The following ZNF569 variants were observed in gnomAD, a reference collection of about 807,000 sequenced individuals.
ZNF569 encodes the protein zinc finger protein 569, also known as DNA-binding protein.
Under a neutral mutation model 56.3 loss-of-function variants are expected in ZNF569, and 38 were observed. The ratio of observed to expected loss-of-function variants is 0.68; its 90% confidence interval spans 0.52 to 0.88. The LOEUF (loss-of-function observed/expected upper bound fraction) is 0.88. Among genes scored for constraint, ZNF569 ranks in the 40% least tolerant of loss-of-function variants. The probability of loss-of-function intolerance (pLI) is 0.00; values close to 1 mark genes in which losing one functional copy is unlikely to be tolerated. For synonymous variants in ZNF569, 241 were observed against 262.9 expected (o/e 0.92, Z 0.81); for missense variants, 666 against 809.2 (o/e 0.82, Z 2.15).
Position 37,426,299 on chromosome 19 carries a change from A to G in ZNF569, c.95T>C (p.Leu32Pro). Residue 32 changes from leucine to proline, a missense_variant, in exon 4 of 6, where the codon CTG becomes CCG. Transcript: ENST00000316950. ...WKRLDPAQRKLYRNVMLENYN... is the reference protein window; with the variant it reads ...WKRLDPAQRKPYRNVMLENYN... ...GTTTTCTAGCATCACATTCCGGTAC[A>G]GTTTTCTCTGAGCAGGATCCAATCT... The G allele has an allele frequency of 1.2e-6, 2 of 1,613,840 alleles. No individual in the cohort carries two copies. Among genetic ancestry groups the G allele is most frequent in the Non-Finnish European group, 1.7e-6 (2 of 1,179,898 alleles).
At chr19:37,429,005 G>A (rs983227724) in intron 3 of ZNF569, among the ~76,000 whole-genome samples, 7 of 152,028 alleles carry the variant, frequency 4.6e-5, no homozygotes, top group East Asian at 1.9e-4. Flanking sequence ...AAATGAATAG[G>A]TTAAAGGGAA....
intron 4 of ZNF569, 73 bp downstream of exon 4, chr19:37,426,179 T>C (rs1325169141): frequency 3.3e-6 from 5 of 1,513,432 alleles, no homozygotes; most frequent in Non-Finnish European, 4.5e-6. Context: ...GGTCCATGTA[T>C]TTCAGAAACA....
At chr19:37,451,360 A>AC (rs2041589852) in intron 2 of ZNF569, among the ~76,000 whole-genome samples, 1 of 149,826 alleles carries the variant, frequency 6.7e-6, no homozygotes, top group African/African-American at 2.5e-5. Context: ...AGATCGTGCC[A>AC]CTGCACTCCA....
At chr19:37,436,377 T>A (rs2041309520) in intron 3 of ZNF569, among the ~76,000 whole-genome samples, 2 of 151,372 alleles carry the variant, frequency 1.3e-5, no homozygotes, top group African/African-American at 4.9e-5. Flanking sequence ...AGCACCTACA[T>A]CAAACAAGAA....
Position 37,413,343 on chromosome 19 carries a change from CATA to C in ZNF569, c.1312_1314del (p.Tyr438del). Reference sequence around the variant, plus strand: ...AAAGCTTTCCCACATTCATTACACTCATAAGGTTTCTCTCTAGTATGAATTTTC... The same window carrying C: ...AAAGCTTTCCCACATTCATTACACTCAGGTTTCTCTCTAGTATGAATTTTC... On this transcript the variant is annotated inframe_deletion, in exon 6 of 6. Transcript: ENST00000316950. The C allele has an allele frequency of 1.2e-6, 2 of 1,607,664 alleles. No homozygotes were observed. The highest frequency in any genetic ancestry group is 4.5e-5 in the East Asian group (2 of 44,852).
intron 2 of ZNF569, among the ~76,000 whole-genome samples, chr19:37,445,390 T>C (rs994587499): frequency 3.3e-5 from 5 of 152,158 alleles, no homozygotes; most frequent in Non-Finnish European, 7.3e-5. Flanking sequence ...TATGTGTGAG[T>C]AATGTGTATC....
chr19:37,419,716 A>G (rs932199025), intron 5 of ZNF569, among the ~76,000 whole-genome samples: 1 of 151,890 alleles, frequency 6.6e-6, no homozygotes, highest in African/African-American at 2.4e-5. Context: ...AAGAGAGACT[A>G]CGTCTCAAAA....
At chr19:37,451,872 T>C (rs763770826) in intron 2 of ZNF569, among the ~76,000 whole-genome samples, 28 of 152,214 alleles carry the variant, frequency 1.8e-4, no homozygotes, top group Non-Finnish European at 3.1e-4. Context: ...GGGTCTTGTT[T>C]ATATATCCAT....
chr19:37,436,635 G>A (rs2041313753), intron 3 of ZNF569, among the ~76,000 whole-genome samples: 1 of 151,918 alleles, frequency 6.6e-6, no homozygotes, highest in African/African-American at 2.4e-5. Context: ...GATGAAAAAA[G>A]AGACATTATA....
At chr19:37,458,202 T>C (rs1339528233) in intron 2 of ZNF569, among the ~76,000 whole-genome samples, 3 of 152,198 alleles carry the variant, frequency 2.0e-5, no homozygotes, top group Non-Finnish European at 4.4e-5. Context: ...GGAGTCCTTT[T>C]TAAAAAGTGT....
intron 3 of ZNF569, among the ~76,000 whole-genome samples, chr19:37,441,423 A>C (rs562176031): frequency 6.3e-4 from 96 of 152,300 alleles, no homozygotes; most frequent in Non-Finnish European, 1.2e-3. Context: ...TGGGAGGCCG[A>C]GAGGCAGGAG....
chr19:37,432,904 C>CTTTTT (rs869051048), intron 3 of ZNF569, among the ~76,000 whole-genome samples: 2 of 122,514 alleles, frequency 1.6e-5, no homozygotes, highest in Non-Finnish European at 3.4e-5. Flanking sequence ...ATGCATCAGT[C>CTTTTT]TTTTTTTTTT....
intron 2 of ZNF569, among the ~76,000 whole-genome samples, chr19:37,458,552 T>A (rs574030519): frequency 2.1e-4 from 32 of 152,346 alleles, no homozygotes; most frequent in African/African-American, 7.0e-4. Context: ...TCCGTCTATG[T>A]AGATCTATTT....
At chr19:37,438,242 A>T (rs935655188) in intron 3 of ZNF569, among the ~76,000 whole-genome samples, 5 of 152,090 alleles carry the variant, frequency 3.3e-5, no homozygotes, top group Non-Finnish European at 5.9e-5. Flanking sequence ...ACAAAAAAAT[A>T]AAAAATTAGG....
At chr19:37,456,556 A>G (rs571102895) in intron 2 of ZNF569, among the ~76,000 whole-genome samples, 1 of 152,208 alleles carries the variant, frequency 6.6e-6, no homozygotes, top group Non-Finnish European at 1.5e-5. Context: ...TTTTCTTTAG[A>G]CAGGGAGTTG....
At chr19:37,421,065 C>T (rs1294349232) in intron 5 of ZNF569, among the ~76,000 whole-genome samples, 1 of 152,142 alleles carries the variant, frequency 6.6e-6, no homozygotes, top group Non-Finnish European at 1.5e-5. Flanking sequence ...TTCTCGTGAG[C>T]AGTAGGTATC....
intron 2 of ZNF569, among the ~76,000 whole-genome samples, chr19:37,454,159 A>C (rs899897475): frequency 6.6e-5 from 10 of 152,274 alleles, no homozygotes; most frequent in Admixed American, 6.5e-4. Flanking sequence ...AATATCCTCT[A>C]ATAATATCTG....
intron 2 of ZNF569, among the ~76,000 whole-genome samples, chr19:37,445,714 A>C (rs897624062): frequency 6.6e-6 from 1 of 152,234 alleles, no homozygotes; most frequent in African/African-American, 2.4e-5. Flanking sequence ...CAAAAAAAAT[A>C]AAATGCTTAG....
At chr19:37,439,437 C>A (rs1007908260) in intron 3 of ZNF569, among the ~76,000 whole-genome samples, 2 of 152,114 alleles carry the variant, frequency 1.3e-5, no homozygotes, top group Non-Finnish European at 2.9e-5. Context: ...GAAAAGGGAA[C>A]CCTCATACAC....
Sources: gnomAD v4.1 joint callset for allele counts (sites outside exome capture counted in the v4.1 genomes callset) on GRCh38, gnomAD v4.1.1 for gene constraint, MANE v1.5 for transcripts, NCBI Gene and HGNC (gene_info 2026-07-23, HGNC 2026-07-21) for gene names.